The following LAMA4 variants were observed in gnomAD, a reference collection of about 807,000 sequenced individuals.
LAMA4 encodes laminin subunit alpha-4.
Under a neutral mutation model 207.1 loss-of-function variants are expected in LAMA4, and 127 were observed. The observed-to-expected ratio is 0.61, with a 90% confidence interval of 0.53 to 0.71. The LOEUF (loss-of-function observed/expected upper bound fraction) is 0.71, where lower values mean the gene tolerates loss of function less well. Ranked by LOEUF, LAMA4 falls within the 30% of genes least tolerant of loss-of-function variation. The pLI, the probability that LAMA4 is intolerant of heterozygous loss-of-function variation, is 0.00. For synonymous variants in LAMA4, 761 were observed against 816.0 expected (o/e 0.93, Z 1.15); for missense variants, 2,093 against 2,246.5 (o/e 0.93, Z 1.38).
In LAMA4 at chr6:112,148,259, C is replaced by A; in HGVS notation, c.2251G>T (p.Ala751Ser). 1 of 1,614,164 alleles carries A rather than the reference C, an allele frequency of 6.2e-7. No homozygotes were observed. Among genetic ancestry groups the A allele is most frequent in the Non-Finnish European group, 8.5e-7 (1 of 1,180,020 alleles). The stretch of plus-strand genomic sequence containing the variant: ...AGATTGTTGGCCATGGGGGCAGTGG[C>A]CTGCTGCACCTCCATCGTCGTCCTG... ...ANRTTMEVQQATAPMANNLTN... is the reference protein window; with the variant it reads ...ANRTTMEVQQSTAPMANNLTN... Residue 751 changes from alanine to serine, a missense_variant, in exon 18 of 39, where the codon GCC (alanine) becomes TCC (serine). Coordinates refer to ENST00000230538, the MANE Select transcript of LAMA4 (RefSeq NM_001105206.3).
At chr6:112,124,361 C>T (rs1778551555) in intron 31 of LAMA4, among the ~76,000 whole-genome samples, 1 of 152,198 alleles carries the variant, frequency 6.6e-6, no homozygotes, top group Non-Finnish European at 1.5e-5. Flanking sequence ...TGTGGGAATA[C>T]ATGACTATGT....
intron 13 of LAMA4, among the ~76,000 whole-genome samples, chr6:112,160,462 A>C (rs1055128455): frequency 1.3e-5 from 2 of 150,800 alleles, no homozygotes; most frequent in African/African-American, 5.0e-5. Flanking sequence ...AAACAAACAA[A>C]CAAAAAACCT....
rs927160835 is a variant in LAMA4 at position 112,187,524 on chromosome 6, C to T, written c.892G>A (p.Val298Met). 1.9e-6 allele frequency: 3 copies of T among 1,614,112 alleles called. No homozygotes were observed. Among genetic ancestry groups the T allele is most frequent in the South Asian group, 1.1e-5 (1 of 91,074 alleles). The change falls in exon 8 of 39, where the codon GTG (valine) becomes ATG (methionine). Residue 298 changes from valine (V) to methionine (M), a missense_variant. Physicochemically the swap from Val to Met is conservative, Grantham distance 21. Transcript: ENST00000230538. ...ALSIEEGKSG[V>M]LSVSSGAAAH... is the part of the protein sequence containing the mutation. Reference sequence around the variant, plus strand: ...GCGGCCCCAGAGGATACGCTCAGCACCCCGGATTTGCCTTCCTCGATGGAG... The same window carrying T: ...GCGGCCCCAGAGGATACGCTCAGCATCCCGGATTTGCCTTCCTCGATGGAG...
intron 3 of LAMA4, among the ~76,000 whole-genome samples, chr6:112,207,800 C>T (rs1554354965): frequency 6.6e-6 from 1 of 152,066 alleles, no homozygotes; most frequent in Non-Finnish European, 1.5e-5. Flanking sequence ...TCTGGAATGC[C>T]ATTCATCATT....
chr6:112,129,316 T>A (rs1049267705), intron 30 of LAMA4, among the ~76,000 whole-genome samples: 3 of 152,092 alleles, frequency 2.0e-5, no homozygotes, highest in Non-Finnish European at 4.4e-5. Flanking sequence ...AATGAATATC[T>A]TTTCCCTCAA....
intron 4 of LAMA4, 25 bp from the exon 5 acceptor site, chr6:112,201,713 A>G: frequency 1.9e-6 from 3 of 1,581,132 alleles, no homozygotes; most frequent in Non-Finnish European, 1.7e-6. Flanking sequence ...AAATATTGGA[A>G]GTCAATTCCA....
Position 112,132,726 on chromosome 6 carries a change from T to C in LAMA4, c.3834+27A>G, listed in dbSNP as rs781901049. ...AGGCAAAACAATTATCACAAAGAAG[T>C]TTCCTCAGAGAAAAACAAACACTTA... On this transcript the variant is annotated intron_variant, in intron 28 of 38. Transcript: ENST00000230538. 3 of 1,605,570 alleles carry C rather than the reference T, an allele frequency of 1.9e-6. No individual in the cohort carries two copies. The South Asian group carries it at 3.3e-5, about 18-fold the overall frequency.
intron 3 of LAMA4, among the ~76,000 whole-genome samples, chr6:112,209,650 A>T (rs1784254991): frequency 6.6e-6 from 1 of 152,192 alleles, no homozygotes; most frequent in East Asian, 1.9e-4. Flanking sequence ...CTATTCCCTT[A>T]TCTGCAAAGT....
Position 112,120,419 on chromosome 6 carries a change from T to C in LAMA4, c.4529A>G (p.Tyr1510Cys). ...RTRSSHGMIF[Y>C]VSDQEENDFM... ...GTCATTCTCTTCTTGATCTGAGACA[T>C]AGAAGATCATGCCATGGGAGGAACG... The change falls in exon 33 of 39, where the codon TAT becomes TGT. Residue 1510 changes from tyrosine (Y) to cysteine (C), a missense_variant. Around this residue, in one of 3 missense-constraint regions of LAMA4, gnomAD observed 383 missense variants for 437.8 expected, o/e 0.87. Coordinates refer to ENST00000230538, the MANE Select transcript of LAMA4 (RefSeq NM_001105206.3). The C allele has an allele frequency of 6.2e-7, 1 of 1,613,920 alleles. No homozygotes were observed. Among genetic ancestry groups the C allele is most frequent in the East Asian group, 2.2e-5 (1 of 44,858 alleles).
chr6:112,164,826 C>T (rs1781290214), intron 13 of LAMA4, among the ~76,000 whole-genome samples: 1 of 152,192 alleles, frequency 6.6e-6, no homozygotes, highest in African/African-American at 2.4e-5. Flanking sequence ...CAAGAAGTTC[C>T]ACTATATTCA....
chr6:112,190,944 TTTCCTTTC>T lies in LAMA4; in HGVS notation c.718+684_718+691del, dbSNP rs797028473. Among the ~76,000 whole-genome samples the T allele has an allele frequency of 3.1e-3, 130 of 41,650 alleles. 3 individuals are homozygous for T. Among genetic ancestry groups the T allele is most frequent in the East Asian group, 0.023 (28 of 1,210 alleles). 27.3% of individuals were successfully genotyped at this position (41,650 alleles called of 152,430 possible). On this transcript the variant is annotated intron_variant, in intron 6 of 38. Coordinates refer to ENST00000230538, the MANE Select transcript of LAMA4 (RefSeq NM_001105206.3). ...CTTTCTTTCTTTCTTTCTTTCTTTC[TTTCCTTTC>T]TTTCTTTCTTTCTTTCTTTCTTTCT...
intron 8 of LAMA4, 100 bp from the exon 9 acceptor site, chr6:112,185,447 G>A (rs2114931769): frequency 3.9e-6 from 3 of 769,120 alleles, no homozygotes; most frequent in Admixed American, 1.9e-5. Context: ...AGTAGAGTGT[G>A]AGGCTCTTTT....
intron 2 of LAMA4, among the ~76,000 whole-genome samples, chr6:112,231,775 G>A (rs1785579510): frequency 6.6e-6 from 1 of 152,322 alleles, no homozygotes; most frequent in Non-Finnish European, 1.5e-5. Flanking sequence ...GAAAACTGTG[G>A]CCCATAAATT....
At chr6:112,254,715 CA>C (rs1554190741), upstream of LAMA4, 1 of 159,170 alleles carries the variant, frequency 6.3e-6, no homozygotes, top group African/African-American at 2.4e-5. Context: ...GAAGAATATT[CA>C]GCTTTTGTGA....
chr6:112,178,748 T>C (rs947442001), intron 9 of LAMA4: 4 of 164,278 alleles, frequency 2.4e-5, no homozygotes, highest in Admixed American at 2.3e-4. Context: ...AATCTGGTGC[T>C]ATTCCTATAT....
At chr6:112,129,476 TG>T (rs1370678125) in intron 30 of LAMA4, among the ~76,000 whole-genome samples, 1 of 152,196 alleles carries the variant, frequency 6.6e-6, no homozygotes, top group African/African-American at 2.4e-5. Flanking sequence ...TTAAGAGTTT[TG>T]TAAACCTCTG....
chr6:112,191,596 T>C, intron 6 of LAMA4, 40 bp downstream of exon 6: 1 of 1,455,256 alleles, frequency 6.9e-7, no homozygotes. Context: ...CAGAGGGTCA[T>C]GCTGGCCAGG....
intron 2 of LAMA4, among the ~76,000 whole-genome samples, chr6:112,251,087 A>G (rs1554189756): frequency 6.6e-6 from 1 of 152,224 alleles, no homozygotes; most frequent in East Asian, 1.9e-4. Context: ...GACTCAGTAG[A>G]TTAAGTGTCA....
intron 38 of LAMA4, among the ~76,000 whole-genome samples, chr6:112,111,417 G>A (rs587716337): frequency 6.6e-6 from 1 of 152,310 alleles, no homozygotes; most frequent in Admixed American, 6.5e-5. Context: ...TTGGTGTGTA[G>A]TTCTAGGAAT....
Sources: allele counts gnomAD v4.1 joint callset (sites outside exome capture counted in the v4.1 genomes callset), GRCh38; gene constraint gnomAD v4.1.1; regional missense constraint gnomAD v4.1.1; transcripts MANE v1.5; gene names NCBI Gene and HGNC (gene_info 2026-07-23, HGNC 2026-07-21).